USP45: variants seen among roughly 807,000 people sequenced by gnomAD.
The protein encoded by USP45 is ubiquitin specific peptidase 45.
A neutral mutation model predicts 95.8 loss-of-function variants in USP45; 89 were observed. The observed-to-expected ratio is 0.93, with a 90% CI of 0.78 to 1.11. The LOEUF is 1.11. Among genes scored for constraint, USP45 ranks in the 50% least tolerant of loss-of-function variants. USP45 has a pLI of 0.00. For synonymous variants in USP45, 281 were observed against 316.2 expected, an observed-to-expected ratio of 0.89 and a Z score of 1.18; for missense variants, 898 against 942.5, an observed-to-expected ratio of 0.95 and a Z score of 0.62.
intron 13 of USP45, among the ~76,000 whole-genome samples, chr6:99,458,780 T>C (rs1171416613): frequency 4.6e-5 from 7 of 152,064 alleles, no homozygotes; most frequent in African/African-American, 1.7e-4. Flanking sequence ...TATGCAGAAA[T>C]TGAGCAGAGG....
intron 13 of USP45, among the ~76,000 whole-genome samples, chr6:99,463,094 G>T (rs1425028260): frequency 6.6e-6 from 1 of 152,128 alleles, no homozygotes. Context: ...TATAAGTTCA[G>T]ATTGATTTCT....
At chr6:99,516,799 CTT>C (rs1801142950), upstream of USP45, among the ~76,000 whole-genome samples, 1 of 152,122 alleles carries the variant, frequency 6.6e-6, no homozygotes, top group African/African-American at 2.4e-5. Context: ...AACAAGCAAA[CTT>C]GAGCAAATCT....
chr6:99,461,638 A>G, intron 13 of USP45: 1 of 983,368 alleles, frequency 1.0e-6, no homozygotes, highest in South Asian at 4.7e-5. Flanking sequence ...AATTATTTTT[A>G]TCATTCTTCA....
Position 99,470,018 on chromosome 6 carries a change from G to A in USP45, c.934-1400C>T, listed in dbSNP as rs996723128. On this transcript the variant is annotated intron_variant, in intron 9 of 17. Transcript: ENST00000500704. ...CATAAAGGAAGAAAGACAAGAACAC[G>A]GGATATAAACAATGGCAAAGTCAAA... 6.6e-5 allele frequency among the ~76,000 whole-genome samples: 10 copies of A among 152,090 alleles called. 1 individual carries two copies. The highest frequency in any genetic ancestry group is 3.2e-3 in the Middle Eastern group (1 of 316).
At position 99,446,425 on chromosome 6, in the gene USP45, C is replaced by A. The variant is rs1481152305; in HGVS notation, c.1347G>T (p.Leu449Phe). Residue 449 changes from leucine (L) to phenylalanine (F), a missense_variant, in exon 14 of 18, where the codon TTG (leucine) becomes TTT (phenylalanine). Coordinates refer to ENST00000500704, the MANE Select transcript of USP45 (RefSeq NM_001346022.3). ...GGTATGTGACAGTTTCTCCAGATGA[C>A]AATTTTCTAATACATTTTCGGTCAT... is the stretch of plus-strand genomic sequence containing the variant. Reference protein sequence around the residue: ...LIHDRKCIRKLSSGETVTYQK... With the variant: ...LIHDRKCIRKFSSGETVTYQK... The A allele has an allele frequency of 1.2e-6, 2 of 1,613,778 alleles. No individual in the cohort carries two copies. Among genetic ancestry groups the A allele is most frequent in the Non-Finnish European group, 8.5e-7 (1 of 1,179,938 alleles).
rs766649792 is a variant in USP45 at position 99,435,715 on chromosome 6, G to C, written c.*1C>G. ...ACCTAAATAATCATTACCATTAATA[G>C]TTATAATACTCTTTCATAGAAAAGA... On this transcript the variant is annotated 3_prime_UTR_variant, in exon 18 of 18. Transcript: ENST00000500704. The C allele has an allele frequency of 2.5e-6, 4 of 1,610,700 alleles. No individual in the cohort carries two copies. Among genetic ancestry groups the C allele is most frequent in the Non-Finnish European group, 8.5e-7 (1 of 1,178,250 alleles).
chr6:99,477,776 G>A (rs1305343579), intron 8 of USP45, among the ~76,000 whole-genome samples: 3 of 152,146 alleles, frequency 2.0e-5, no homozygotes, highest in African/African-American at 7.2e-5. Flanking sequence ...GCAGCACATA[G>A]CAACATGCTG....
At position 99,493,365 on chromosome 6, in the gene USP45, C is replaced by T. The variant is rs193257225; in HGVS notation, c.479-4545G>A. ...TGATAACTGTAATATCTCAGGAAAACGTTTAGACACTAAATATACTTGTTG... is the reference window on the plus strand; with the variant it reads ...TGATAACTGTAATATCTCAGGAAAATGTTTAGACACTAAATATACTTGTTG... On this transcript the variant is annotated intron_variant, in intron 5 of 17. Transcript: ENST00000500704. Among the ~76,000 whole-genome samples, 23 of 152,148 alleles carry T rather than the reference C, an allele frequency of 1.5e-4. No individual in the cohort carries two copies. The East Asian group carries it at 3.5e-3, about 23-fold the overall frequency.
intron 13 of USP45, 30 bp downstream of exon 13, chr6:99,464,574 C>T (rs373519591): frequency 6.3e-7 from 1 of 1,588,798 alleles, no homozygotes; most frequent in Non-Finnish European, 8.5e-7. Context: ...TGTTAAAAAA[C>T]AGACGTCTAA....
intron 9 of USP45, among the ~76,000 whole-genome samples, chr6:99,474,186 T>C (rs1487869252): frequency 2.6e-5 from 4 of 152,164 alleles, no homozygotes; most frequent in Admixed American, 1.3e-4. Context: ...ACTGCCACAC[T>C]ACAATTAAAA....
At position 99,445,896 on chromosome 6, in the gene USP45, G is replaced by T; in HGVS notation, c.1876C>A (p.Gln626Lys). Reference sequence around the variant, plus strand: ...ATTAGTAATTCCATAGATGTAAACTGGTAGAGACAGGACTGAATTGAACAT... The same window carrying T: ...ATTAGTAATTCCATAGATGTAAACTTGTAGAGACAGGACTGAATTGAACAT... ...KECSIQSCLY[Q>K]FTSMELLMGN... Residue 626 changes from glutamine to lysine, a missense_variant, in exon 14 of 18, where the codon CAG (glutamine) becomes AAG (lysine). Transcript: ENST00000500704. The T allele has an allele frequency of 6.2e-7, 1 of 1,613,858 alleles. No individual in the cohort carries two copies. The highest frequency in any genetic ancestry group is 2.2e-5 in the East Asian group (1 of 44,866).
intron 5 of USP45, among the ~76,000 whole-genome samples, chr6:99,493,151 C>A (rs796470066): frequency 2.6e-5 from 4 of 151,886 alleles, no homozygotes; most frequent in African/African-American, 9.7e-5. Flanking sequence ...CTCAGCCTCC[C>A]GAGTAACTGG....
At chr6:99,460,824 T>A in intron 13 of USP45, 1 of 983,836 alleles carries the variant, frequency 1.0e-6, no homozygotes, top group Non-Finnish European at 1.2e-6. Flanking sequence ...ACACCTTTTA[T>A]AATAACTAAA....
intron 14 of USP45, among the ~76,000 whole-genome samples, chr6:99,444,030 T>C (rs568738695): frequency 1.3e-5 from 2 of 152,124 alleles, no homozygotes; most frequent in South Asian, 2.1e-4. Flanking sequence ...AATTTTTTTT[T>C]TTTCTTTTGA....
chr6:99,448,933 G>C (rs1233565350), intron 13 of USP45, among the ~76,000 whole-genome samples: 1 of 152,126 alleles, frequency 6.6e-6, no homozygotes, highest in Non-Finnish European at 1.5e-5. Context: ...AGCTTCATAA[G>C]TGAACGAGAA....
chr6:99,477,620 G>A (rs1341987999), intron 8 of USP45, among the ~76,000 whole-genome samples: 1 of 152,156 alleles, frequency 6.6e-6, no homozygotes, highest in East Asian at 1.9e-4. Flanking sequence ...GCCAAGTGCA[G>A]TACTTTCAGC....
upstream of USP45, among the ~76,000 whole-genome samples, chr6:99,515,770 CTTTTT>C (rs56926251): frequency 2.8e-3 from 245 of 88,468 alleles, 1 homozygote; most frequent in African/African-American, 0.012. Context: ...CCTCTGAACT[CTTTTT>C]TTTTTTTTTT....
At chr6:99,500,512 T>A (rs1385159337) in intron 5 of USP45, among the ~76,000 whole-genome samples, 1 of 152,036 alleles carries the variant, frequency 6.6e-6, no homozygotes, top group Non-Finnish European at 1.5e-5. Context: ...TAAAATTGAA[T>A]GAAAATCAGA....
At chr6:99,440,400 GCT>G (rs1362111566) in intron 15 of USP45, among the ~76,000 whole-genome samples, 12 of 152,052 alleles carry the variant, frequency 7.9e-5, no homozygotes, top group Admixed American at 1.3e-4. Context: ...TCTTAAATAT[GCT>G]CTCTTTTTCT....
Sources: allele counts gnomAD v4.1 joint callset (sites outside exome capture counted in the v4.1 genomes callset), GRCh38; gene constraint gnomAD v4.1.1; transcripts MANE v1.5; gene names NCBI Gene and HGNC (gene_info 2026-07-23, HGNC 2026-07-21).